The following DOK6 variants were observed in gnomAD, a reference collection of about 807,000 sequenced individuals.
The protein encoded by DOK6 is downstream of tyrosine kinase 6.
In DOK6, 22 loss-of-function variants were observed where a neutral mutation model predicts 44.0. That is an observed-to-expected ratio of 0.50 (90% CI 0.36 to 0.71). The LOEUF (loss-of-function observed/expected upper bound fraction) is 0.71. DOK6 is among the 30% of genes least tolerant of loss of function. The pLI is 0.00. For missense variants in DOK6, 340 were observed against 416.4 expected (o/e 0.82, Z 1.60); for synonymous variants, 166 against 145.5 (o/e 1.14, Z -1.01).
chr18:69,753,474 AAC>A (rs1306956226), intron 6 of DOK6, among the ~76,000 whole-genome samples: 2 of 152,174 alleles, frequency 1.3e-5, no homozygotes, highest in African/African-American at 4.8e-5. Flanking sequence ...TCTCAAATAA[AAC>A]ACAAATGTTT....
chr18:69,716,475 C>A (rs1986883173), intron 5 of DOK6, among the ~76,000 whole-genome samples: 1 of 152,082 alleles, frequency 6.6e-6, no homozygotes, highest in African/African-American at 2.4e-5. Context: ...TGATGAAAAC[C>A]TTAACCCCTG....
At chr18:69,792,424 G>T (rs571144764) in intron 7 of DOK6, among the ~76,000 whole-genome samples, 2 of 151,676 alleles carry the variant, frequency 1.3e-5, no homozygotes, top group African/African-American at 4.8e-5. Context: ...TTCTTGCATC[G>T]GTGTTTTACG....
chr18:69,700,109 C>T (rs1005158778), intron 5 of DOK6, among the ~76,000 whole-genome samples: 1 of 151,690 alleles, frequency 6.6e-6, no homozygotes, highest in Non-Finnish European at 1.5e-5. Context: ...CAGTTATCTC[C>T]CACTGGGTCA....
At chr18:69,786,243 G>C (rs1032958389) in intron 7 of DOK6, among the ~76,000 whole-genome samples, 1 of 151,944 alleles carries the variant, frequency 6.6e-6, no homozygotes, top group Non-Finnish European at 1.5e-5. Flanking sequence ...AACAACCAAA[G>C]CACATGATAA....
intron 6 of DOK6, among the ~76,000 whole-genome samples, chr18:69,753,816 G>C (rs529482348): frequency 9.1e-6 from 1 of 109,900 alleles, no homozygotes; most frequent in South Asian, 3.2e-4. Flanking sequence ...TTGTATCGCT[G>C]TTTGAGACTT....
At chr18:69,557,503 G>A (rs372240624) in intron 1 of DOK6, among the ~76,000 whole-genome samples, 5 of 152,272 alleles carry the variant, frequency 3.3e-5, no homozygotes, top group African/African-American at 9.6e-5. Flanking sequence ...AAAAGAGATT[G>A]CTATGCGGTA....
At chr18:69,598,843 TGGTGTATG>T (rs1437618272) in intron 2 of DOK6, among the ~76,000 whole-genome samples, 8 of 152,012 alleles carry the variant, frequency 5.3e-5, no homozygotes, top group Admixed American at 5.2e-4. Context: ...GTGGGAGAAG[TGGTGTATG>T]GGTCTGTGAA....
intron 5 of DOK6, among the ~76,000 whole-genome samples, chr18:69,699,669 C>T (rs576974093): frequency 8.5e-5 from 13 of 152,140 alleles, no homozygotes; most frequent in East Asian, 5.8e-4. Flanking sequence ...AATCACATTC[C>T]GATAGCCATT....
chr18:69,739,196 C>G, intron 6 of DOK6, 93 bp downstream of exon 6: 1 of 1,531,420 alleles, frequency 6.5e-7, no homozygotes, highest in Non-Finnish European at 8.9e-7. Flanking sequence ...TTCATGTCAG[C>G]GCCTGGGTGT....
intron 3 of DOK6, among the ~76,000 whole-genome samples, chr18:69,602,877 A>G (rs976772834): frequency 6.6e-6 from 1 of 152,254 alleles, no homozygotes; most frequent in African/African-American, 2.4e-5. Context: ...GGTGTTTGAA[A>G]AACTAAATTC....
chr18:69,740,907 T>C (rs1393925211), intron 6 of DOK6, among the ~76,000 whole-genome samples: 6 of 152,250 alleles, frequency 3.9e-5, no homozygotes, highest in Non-Finnish European at 7.3e-5. Flanking sequence ...TCTAACAATG[T>C]TGTGCCAAAA....
intron 7 of DOK6, among the ~76,000 whole-genome samples, chr18:69,788,313 A>T (rs1980493553): frequency 6.6e-6 from 1 of 152,220 alleles, no homozygotes; most frequent in Non-Finnish European, 1.5e-5. Flanking sequence ...GGAATCTAGA[A>T]ATCTCCTAAG....
intron 7 of DOK6, among the ~76,000 whole-genome samples, chr18:69,774,618 A>G (rs192687682): frequency 6.6e-4 from 101 of 152,172 alleles, no homozygotes; most frequent in African/African-American, 2.4e-3. Flanking sequence ...ACTTAGTCAC[A>G]AGTGCAGAGA....
chr18:69,570,774 C>A (rs1308178859), intron 2 of DOK6, among the ~76,000 whole-genome samples: 4 of 151,908 alleles, frequency 2.6e-5, no homozygotes, highest in African/African-American at 9.7e-5. Context: ...GACACACACA[C>A]ACAAAAAAGT....
rs902541347 is a variant in DOK6 at position 69,843,021 on chromosome 18, A to T, written c.*1638A>T. 5 of 152,122 alleles carry T rather than the reference A, an allele frequency of 3.3e-5. No homozygotes were observed. Among genetic ancestry groups the T allele is most frequent in the Non-Finnish European group, 4.4e-5 (3 of 68,024 alleles). 9.4% of individuals were successfully genotyped at this position (152,122 alleles called of 1,614,324 possible). ...TCTGTAGCTTGAGTGCAGATTGACA[A>T]TTCATTTCAGTGAATTACTACCGAA... On this transcript the variant is annotated 3_prime_UTR_variant, in exon 8 of 8. Transcript: ENST00000382713.
intron 7 of DOK6, among the ~76,000 whole-genome samples, chr18:69,774,120 GATATATATATGAGATATATATAT>G (rs1307877932): frequency 3.8e-5 from 1 of 26,508 alleles, no homozygotes; most frequent in African/African-American, 5.7e-5. Context: ...GATTTATATA[GATATATATATGAGATATATATAT>G]ATATATATAT....
chr18:69,774,358 A>T (rs1421322453), intron 7 of DOK6, among the ~76,000 whole-genome samples: 1 of 151,372 alleles, frequency 6.6e-6, no homozygotes, highest in Non-Finnish European at 1.5e-5. Context: ...CTCAGGGGAA[A>T]AGGGCGGGAA....
At chr18:69,403,821 C>T (rs1916147483) in intron 1 of DOK6, among the ~76,000 whole-genome samples, 1 of 152,036 alleles carries the variant, frequency 6.6e-6, no homozygotes. Flanking sequence ...AGTCATACCC[C>T]AAATCATAAA....
At chr18:69,437,100 G>A (rs139552157) in intron 1 of DOK6, among the ~76,000 whole-genome samples, 91 of 152,258 alleles carry the variant, frequency 6.0e-4, no homozygotes, top group African/African-American at 2.1e-3. Flanking sequence ...CTCCCATTCT[G>A]TAGGTTGCCT....
Sources: allele counts gnomAD v4.1 joint callset (sites outside exome capture counted in the v4.1 genomes callset), GRCh38; gene constraint gnomAD v4.1.1; transcripts MANE v1.5; gene names NCBI Gene and HGNC (gene_info 2026-07-23, HGNC 2026-07-21).